The following SGCZ variants were observed in gnomAD, a reference collection of about 807,000 sequenced individuals.
SGCZ encodes zeta-sarcoglycan.
Under a neutral mutation model 41.3 loss-of-function variants are expected in SGCZ, and 40 were observed. The observed-to-expected ratio is 0.97, with a 90% CI of 0.75 to 1.26. The LOEUF (loss-of-function observed/expected upper bound fraction) is 1.26. SGCZ is among the 50% of genes most tolerant of loss of function. The probability of loss-of-function intolerance (pLI) is 0.00; values close to 1 mark genes in which losing one functional copy is unlikely to be tolerated. For synonymous variants in SGCZ, 206 were observed against 137.5 expected (o/e 1.50, Z -3.49); for missense variants, 552 against 369.8 (o/e 1.49, Z -4.04).
At chr8:14,380,170 T>G (rs1203624746) in intron 2 of SGCZ, among the ~76,000 whole-genome samples, 1 of 152,222 alleles carries the variant, frequency 6.6e-6, no homozygotes, top group Admixed American at 6.5e-5. Context: ...ATATGCAAGC[T>G]TTATATAGTA....
chr8:14,716,102 G>A (rs931977991), intron 1 of SGCZ, among the ~76,000 whole-genome samples: 21 of 151,932 alleles, frequency 1.4e-4, no homozygotes, highest in African/African-American at 5.1e-4. Flanking sequence ...CGATAAAGTG[G>A]AACCTAGAAA....
At chr8:15,101,866 A>C (rs1184408174) in intron 1 of SGCZ, among the ~76,000 whole-genome samples, 1 of 152,192 alleles carries the variant, frequency 6.6e-6, no homozygotes, top group Non-Finnish European at 1.5e-5. Flanking sequence ...CGGAGGTTGC[A>C]GTGAGCCGAG....
chr8:14,917,336 T>A (rs1799465728), intron 1 of SGCZ, among the ~76,000 whole-genome samples: 1 of 152,084 alleles, frequency 6.6e-6, no homozygotes, highest in African/African-American at 2.4e-5. Flanking sequence ...AACTGACCTA[T>A]GATTACTCTT....
At chr8:14,293,792 G>A (rs1991345) in intron 3 of SGCZ, among the ~76,000 whole-genome samples, 4,911 of 151,816 alleles carry the variant, frequency 0.032, 268 homozygotes, top group African/African-American at 0.11. Context: ...TCCCTTTTTA[G>A]CAAAGAGTTG....
At chr8:14,482,807 C>T (rs1051580643) in intron 2 of SGCZ, among the ~76,000 whole-genome samples, 1 of 151,900 alleles carries the variant, frequency 6.6e-6, no homozygotes, top group Non-Finnish European at 1.5e-5. Flanking sequence ...CATTGATTGT[C>T]TCCTGCCCTT....
chr8:15,059,670 T>C (rs1465237421), intron 1 of SGCZ, among the ~76,000 whole-genome samples: 1 of 152,246 alleles, frequency 6.6e-6, no homozygotes, highest in African/African-American at 2.4e-5. Flanking sequence ...TTAACTTATA[T>C]ATTTGTGTCT....
chr8:14,606,245 C>T (rs1805744790), intron 1 of SGCZ, among the ~76,000 whole-genome samples: 2 of 152,118 alleles, frequency 1.3e-5, no homozygotes, highest in South Asian at 4.1e-4. Flanking sequence ...TTTGATTTGC[C>T]TTTAACATAC....
chr8:14,701,713 A>C (rs1435989857), intron 1 of SGCZ, among the ~76,000 whole-genome samples: 1 of 151,746 alleles, frequency 6.6e-6, no homozygotes, highest in Non-Finnish European at 1.5e-5. Context: ...CACAATCATG[A>C]GACCTTCTTT....
rs997059178 is a variant in SGCZ, at chr8:14,629,817, A to C, written c.40-74891T>G. Among the ~76,000 whole-genome samples the C allele has an allele frequency of 5.3e-4, 81 of 152,118 alleles. 1 individual carries two copies. The highest frequency in any genetic ancestry group is 1.6e-4 in the Non-Finnish European group (11 of 68,032). ...TTAATATGTAAAATTGAGATGCTTCATGACTCAAAGAGCTCCTTTTCATAT... is the reference window on the plus strand; with the variant it reads ...TTAATATGTAAAATTGAGATGCTTCCTGACTCAAAGAGCTCCTTTTCATAT... On this transcript the variant is annotated intron_variant, in intron 1 of 7. Transcript: ENST00000382080.
intron 1 of SGCZ, among the ~76,000 whole-genome samples, chr8:15,177,212 A>G (rs1197051193): frequency 2.0e-5 from 3 of 152,226 alleles, no homozygotes; most frequent in African/African-American, 4.8e-5. Flanking sequence ...ACATGCCTCC[A>G]GAATCAAGAG....
At chr8:14,784,141 C>T (rs570788439) in intron 1 of SGCZ, among the ~76,000 whole-genome samples, 82 of 151,414 alleles carry the variant, frequency 5.4e-4, no homozygotes, top group African/African-American at 1.8e-3. Flanking sequence ...CACTTGACCT[C>T]GCAGGCTCAA....
chr8:15,068,983 T>A (rs1805254683), intron 1 of SGCZ, among the ~76,000 whole-genome samples: 1 of 152,186 alleles, frequency 6.6e-6, no homozygotes. Flanking sequence ...AAGAACAGAA[T>A]ACAACAAAAG....
intron 1 of SGCZ, among the ~76,000 whole-genome samples, chr8:14,790,650 G>A (rs1275306436): frequency 6.6e-6 from 1 of 152,160 alleles, no homozygotes; most frequent in Non-Finnish European, 1.5e-5. Flanking sequence ...TAAGTAATAA[G>A]ATTGATTCCA....
chr8:14,431,714 G>A (rs1353035504), intron 2 of SGCZ, among the ~76,000 whole-genome samples: 1 of 152,132 alleles, frequency 6.6e-6, no homozygotes, highest in African/African-American at 2.4e-5. Flanking sequence ...AAGAACTTTT[G>A]CACGGCAAAA....
intron 1 of SGCZ, among the ~76,000 whole-genome samples, chr8:14,700,348 T>A (rs1179342815): frequency 6.6e-6 from 1 of 151,910 alleles, no homozygotes; most frequent in Non-Finnish European, 1.5e-5. Flanking sequence ...ATCAAATTAA[T>A]TGATGCAGGA....
At chr8:14,315,926 G>A (rs1243293667) in intron 3 of SGCZ, among the ~76,000 whole-genome samples, 1 of 151,598 alleles carries the variant, frequency 6.6e-6, no homozygotes, top group Non-Finnish European at 1.5e-5. Context: ...GGCAACATTA[G>A]GTATTAAATG....
rs76988689 is a variant in SGCZ at position 14,743,824 on chromosome 8, A to G, written c.40-188898T>C. On this transcript the variant is annotated intron_variant, in intron 1 of 7. Transcript: ENST00000382080. ...TAATTCAAAATTATCATGCTCATGT[A>G]CTAAAAAAGTGAAAACTATGAAGAT... 4.9e-3 allele frequency among the ~76,000 whole-genome samples: 742 copies of G among 152,270 alleles called. 2 individuals are homozygous for G. Among genetic ancestry groups the G allele is most frequent in the Non-Finnish European group, 8.2e-3 (558 of 68,010 alleles).
intron 2 of SGCZ, among the ~76,000 whole-genome samples, chr8:14,535,159 T>C (rs568490845): frequency 2.6e-5 from 4 of 152,128 alleles, no homozygotes; most frequent in East Asian, 3.9e-4. Flanking sequence ...TCAACTGATA[T>C]TATTAAAATT....
chr8:14,697,854 C>T (rs1378675109), intron 1 of SGCZ, among the ~76,000 whole-genome samples: 1 of 151,934 alleles, frequency 6.6e-6, no homozygotes, highest in Non-Finnish European at 1.5e-5. Flanking sequence ...TTGTTCTTTT[C>T]ATCAGTAATA....
Sources: allele counts gnomAD v4.1 joint callset (sites outside exome capture counted in the v4.1 genomes callset), GRCh38; gene constraint gnomAD v4.1.1; transcripts MANE v1.5; gene names NCBI Gene and HGNC (gene_info 2026-07-23, HGNC 2026-07-21).